Variants in PLAAT5 observed in about 807,000 individuals in gnomAD.
PLAAT5 encodes the protein phospholipase A and acyltransferase 5.
A neutral mutation model predicts 27.8 loss-of-function variants in PLAAT5; 27 were observed. That is an observed-to-expected ratio of 0.97 (90% CI 0.72 to 1.34). The LOEUF is 1.34. Among genes scored for constraint, PLAAT5 ranks in the 40% most tolerant of loss-of-function variants. The probability of loss-of-function intolerance (pLI) is 0.00; values close to 1 mark genes in which losing one functional copy is unlikely to be tolerated. For synonymous variants in PLAAT5, 125 were observed against 136.1 expected, an observed-to-expected ratio of 0.92 and a Z score of 0.57; for missense variants, 368 against 343.8, an observed-to-expected ratio of 1.07 and a Z score of -0.56.
At chr11:63,487,376 T>G (rs780317355) in intron 3 of PLAAT5, among the ~76,000 whole-genome samples, 1 of 152,034 alleles carries the variant, frequency 6.6e-6, no homozygotes, top group Non-Finnish European at 1.5e-5. Flanking sequence ...AAAACCACAA[T>G]GAGATACCTA....
intron 3 of PLAAT5, chr11:63,469,347 T>C (rs962111354): frequency 8.2e-6 from 2 of 242,612 alleles, no homozygotes; most frequent in Non-Finnish European, 1.8e-5. Context: ...ATAGCTAAGA[T>C]GTTAGGACTC....
chr11:63,469,096 C>T (rs1057255749), intron 3 of PLAAT5, among the ~76,000 whole-genome samples: 15 of 141,428 alleles, frequency 1.1e-4, no homozygotes, highest in Non-Finnish European at 1.9e-4. Context: ...GCAAACTTCT[C>T]TATTATCGTG....
At chr11:63,472,559 T>A (rs2016054464) in intron 3 of PLAAT5, among the ~76,000 whole-genome samples, 1 of 152,230 alleles carries the variant, frequency 6.6e-6, no homozygotes, top group Non-Finnish European at 1.5e-5. Flanking sequence ...ACTGCCACCT[T>A]AAGATTGCAG....
At chr11:63,468,577 T>C in intron 3 of PLAAT5, 112 bp from the exon 4 acceptor site, 7 of 732,850 alleles carry the variant, frequency 9.6e-6, no homozygotes, top group Non-Finnish European at 1.5e-5. Context: ...GTTCATCACT[T>C]CACAGAAACC....
chr11:63,483,372 C>T (rs1294077141), intron 3 of PLAAT5, among the ~76,000 whole-genome samples: 1 of 151,994 alleles, frequency 6.6e-6, no homozygotes, highest in African/African-American at 2.4e-5. Flanking sequence ...AAACAAGTTT[C>T]AATCAATTTA....
intron 5 of PLAAT5, among the ~76,000 whole-genome samples, chr11:63,464,570 C>T (rs1289263538): frequency 6.6e-6 from 1 of 151,990 alleles, no homozygotes; most frequent in Non-Finnish European, 1.5e-5. Flanking sequence ...GCAGGAGAAC[C>T]GCTTGAACCT....
chr11:63,489,103 C>T (rs544085381), intron 2 of PLAAT5, 127 bp from the exon 3 acceptor site: 6 of 566,916 alleles, frequency 1.1e-5, no homozygotes, highest in African/African-American at 3.9e-5. Flanking sequence ...CATTTCCCCC[C>T]GTTTGTTTCT....
chr11:63,484,004 T>C (rs1358699321), intron 3 of PLAAT5, among the ~76,000 whole-genome samples: 1 of 148,632 alleles, frequency 6.7e-6, no homozygotes, highest in Non-Finnish European at 1.5e-5. Context: ...ATACAAAAGA[T>C]CATTCACACA....
At chr11:63,486,874 GAAGAA>G (rs2016448668) in intron 3 of PLAAT5, among the ~76,000 whole-genome samples, 1 of 152,126 alleles carries the variant, frequency 6.6e-6, no homozygotes, top group Non-Finnish European at 1.5e-5. Context: ...AAAATACCTA[GAAGAA>G]AACAGGAGAA....
At chr11:63,479,717 G>T (rs1053857592) in intron 3 of PLAAT5, among the ~76,000 whole-genome samples, 2 of 152,124 alleles carry the variant, frequency 1.3e-5, no homozygotes, top group Non-Finnish European at 2.9e-5. Flanking sequence ...AGTAATCTAA[G>T]GACCATTACT....
chr11:63,463,182 G>C lies in PLAAT5; in HGVS notation c.*321C>G. 1 of 268,686 alleles carries C rather than the reference G, an allele frequency of 3.7e-6. No individual in the cohort carries two copies. Among genetic ancestry groups the C allele is most frequent in the Non-Finnish European group, 7.0e-6 (1 of 143,052 alleles). 16.6% of individuals were successfully genotyped at this position (268,686 alleles called of 1,614,324 possible). On this transcript the variant is annotated 3_prime_UTR_variant, in exon 6 of 6. Coordinates refer to ENST00000540857, the MANE Select transcript of PLAAT5 (RefSeq NM_001146729.2). ...TGTTTCTGATGGCACTCAAGCATCG[G>C]AGACCAAGGTCAGCCTAAGACACAA...
At chr11:63,478,942 ACT>A (rs940105319) in intron 3 of PLAAT5, among the ~76,000 whole-genome samples, 34 of 152,140 alleles carry the variant, frequency 2.2e-4, no homozygotes, top group African/African-American at 7.5e-4. Flanking sequence ...CAACAAACCA[ACT>A]CTTTCTTCTG....
At chr11:63,475,472 G>T (rs1037005324) in intron 3 of PLAAT5, among the ~76,000 whole-genome samples, 1 of 151,744 alleles carries the variant, frequency 6.6e-6, no homozygotes, top group South Asian at 2.1e-4. Context: ...CTCCTGCTAC[G>T]GCTACTGTTT....
chr11:63,481,939 G>A lies in PLAAT5; in HGVS notation c.345+6932C>T, dbSNP rs560441373. Reference sequence around the variant, plus strand: ...GGGGAGCGGGGAGGGATAGAATTAGGAGACATACCTAATGCTAAATGATGA... The same window carrying A: ...GGGGAGCGGGGAGGGATAGAATTAGAAGACATACCTAATGCTAAATGATGA... On this transcript the variant is annotated intron_variant, in intron 3 of 5. Transcript: ENST00000540857. 2.6e-4 allele frequency among the ~76,000 whole-genome samples: 40 copies of A among 152,256 alleles called. 2 individuals are homozygous for A. The South Asian group carries it at 8.1e-3, about 31-fold the overall frequency.
chr11:63,490,395 AC>A, intron 1 of PLAAT5, 62 bp from the exon 2 acceptor site: 1 of 1,612,370 alleles, frequency 6.2e-7, no homozygotes, highest in South Asian at 1.1e-5. Flanking sequence ...AAGCACCTTG[AC>A]CGCTACGGAG....
chr11:63,475,913 GTTA>G (rs1204981870), intron 3 of PLAAT5, among the ~76,000 whole-genome samples: 3 of 151,852 alleles, frequency 2.0e-5, no homozygotes, highest in African/African-American at 7.3e-5. Flanking sequence ...CCTCCTTTAT[GTTA>G]TTATTGTCAG....
chr11:63,467,708 T>C (rs1470629847), intron 4 of PLAAT5, among the ~76,000 whole-genome samples: 6 of 152,276 alleles, frequency 3.9e-5, no homozygotes, highest in Non-Finnish European at 7.4e-5. Context: ...GACCAGCAGT[T>C]CTAGATACCC....
Position 63,466,180 on chromosome 11 carries a change from T to A in PLAAT5, c.647A>T (p.Tyr216Phe). 6.2e-7 allele frequency: 1 copy of A among 1,614,192 alleles called. No individual in the cohort carries two copies. Among genetic ancestry groups the A allele is most frequent in the Non-Finnish European group, 8.5e-7 (1 of 1,180,028 alleles). ...CTCACAGTTCCCTTCAATCAGGCTG[T>A]ACTGCACGATCTTGTTGACCATCTT... ...TKKMVNKIVQ[Y>F]SLIEGNCEHF... Residue 216 changes from tyrosine to phenylalanine, a missense_variant, in exon 5 of 6, where the codon TAC (tyrosine) becomes TTC (phenylalanine). Tyr to Phe is a conservative substitution (Grantham distance 22). Coordinates refer to ENST00000540857, the MANE Select transcript of PLAAT5 (RefSeq NM_001146729.2).
At position 63,463,583 on chromosome 11, in the gene PLAAT5, G is replaced by T; in HGVS notation, c.730C>A (p.Leu244Met). Residue 244 changes from leucine to methionine, a missense_variant, in exon 6 of 6, where the codon CTG (leucine) becomes ATG (methionine). Coordinates refer to ENST00000540857, the MANE Select transcript of PLAAT5 (RefSeq NM_001146729.2). ...CCAGCAGCCTTCGCTCCTTCCATCA[G>T]GGCGTGCTCTACCTGCAAAGCACAT... ...VPRSQQVEHALMEGAKAAGAV... is the reference protein window; with the variant it reads ...VPRSQQVEHAMMEGAKAAGAV... 1 of 1,613,562 alleles carries T rather than the reference G, an allele frequency of 6.2e-7. No individual in the cohort carries two copies.
Sources: gnomAD v4.1 joint callset for allele counts (sites outside exome capture counted in the v4.1 genomes callset) on GRCh38, gnomAD v4.1.1 for gene constraint, MANE v1.5 for transcripts, NCBI Gene and HGNC (gene_info 2026-07-23, HGNC 2026-07-21) for gene names.